Variants in KAT6B observed in about 807,000 individuals in gnomAD.
KAT6B encodes the protein lysine acetyltransferase 6B, also known as histone acetyltransferase KAT6B.
KAT6B carries 10 observed loss-of-function variants against 187.5 expected under a neutral mutation model. The ratio of observed to expected loss-of-function variants is 0.05; its 90% confidence interval spans 0.03 to 0.09. KAT6B has a LOEUF of 0.09. Among genes scored for constraint, KAT6B ranks in the 10% least tolerant of loss-of-function variants. The pLI is 1.00. For missense variants in KAT6B, 1,952 were observed against 2,558.9 expected (o/e 0.76, Z 5.12); for synonymous variants, 861 against 926.8 (o/e 0.93, Z 1.29).
At chr10:74,996,462 C>G (rs934251999) in intron 13 of KAT6B, among the ~76,000 whole-genome samples, 1 of 152,170 alleles carries the variant, frequency 6.6e-6, no homozygotes, top group African/African-American at 2.4e-5. Context: ...AACAGACACA[C>G]AGAAACACTT....
intron 14 of KAT6B, 97 bp from the exon 15 acceptor site, chr10:75,021,029 A>T (rs1300193931): frequency 2.4e-6 from 3 of 1,245,936 alleles, no homozygotes; most frequent in Admixed American, 3.4e-5. Context: ...GATTTTTCCT[A>T]ACGCAGATAA....
intron 1 of KAT6B, among the ~76,000 whole-genome samples, chr10:74,835,068 G>C (rs1841182627): frequency 6.6e-6 from 1 of 152,146 alleles, no homozygotes. Flanking sequence ...GAATTTTATA[G>C]TCTAGTAGGG....
chr10:74,948,546 G>C (rs940182438), intron 3 of KAT6B, among the ~76,000 whole-genome samples: 1 of 152,188 alleles, frequency 6.6e-6, no homozygotes, highest in Admixed American at 6.6e-5. Flanking sequence ...TGAGCAGTTA[G>C]AGCAGGTTTC....
chr10:74,987,380 C>A (rs1842874300), intron 12 of KAT6B, among the ~76,000 whole-genome samples: 1 of 151,996 alleles, frequency 6.6e-6, no homozygotes, highest in Admixed American at 6.6e-5. Flanking sequence ...TTGCAGTGAG[C>A]TGAGATTGCA....
chr10:74,990,931 T>C (rs1304222978), intron 13 of KAT6B, among the ~76,000 whole-genome samples: 1 of 152,224 alleles, frequency 6.6e-6, no homozygotes, highest in African/African-American at 2.4e-5. Flanking sequence ...TTTTCTCAAA[T>C]AGTCTGAGCA....
intron 3 of KAT6B, among the ~76,000 whole-genome samples, chr10:74,873,479 A>C (rs1216513753): frequency 6.8e-6 from 1 of 146,198 alleles, no homozygotes; most frequent in Non-Finnish European, 1.5e-5. Context: ...ATAAATAAAT[A>C]AAATAAAACT....
At chr10:74,936,802 T>C (rs1849309430) in intron 3 of KAT6B, among the ~76,000 whole-genome samples, 1 of 152,244 alleles carries the variant, frequency 6.6e-6, no homozygotes, top group Non-Finnish European at 1.5e-5. Flanking sequence ...TCTCGATTTT[T>C]ATTTTGTTTA....
chr10:74,966,317 TA>T (rs2133602195), intron 4 of KAT6B, among the ~76,000 whole-genome samples: 1 of 152,354 alleles, frequency 6.6e-6, no homozygotes, highest in South Asian at 2.1e-4. Flanking sequence ...TAATCCAGGA[TA>T]AACTCCCCAT....
chr10:74,896,086 C>T (rs1564548781), intron 3 of KAT6B, among the ~76,000 whole-genome samples: 1 of 152,036 alleles, frequency 6.6e-6, no homozygotes, highest in East Asian at 1.9e-4. Context: ...GTCAGCCAGT[C>T]AGCTGCTTTT....
intron 3 of KAT6B, among the ~76,000 whole-genome samples, chr10:74,882,936 A>G (rs931766624): frequency 6.6e-6 from 1 of 152,186 alleles, no homozygotes; most frequent in African/African-American, 2.4e-5. Context: ...TCATGACCAT[A>G]TGGCTTTCTT....
intron 3 of KAT6B, among the ~76,000 whole-genome samples, chr10:74,862,427 C>T (rs1407068166): frequency 6.6e-6 from 1 of 152,170 alleles, no homozygotes; most frequent in Non-Finnish European, 1.5e-5. Context: ...ATTAGAATTA[C>T]TGGAGGAGCT....
At position 74,842,931 on chromosome 10, in the gene KAT6B, A is replaced by G; in HGVS notation, c.74A>G (p.Gln25Arg). 3 of 1,614,232 alleles carry G rather than the reference A, an allele frequency of 1.9e-6. No individual in the cohort carries two copies. Among genetic ancestry groups the G allele is most frequent in the Non-Finnish European group, 2.5e-6 (3 of 1,180,036 alleles). ...ATACAGAAAATAAAAAAGCAAAAGC[A>G]AAGGCCCTCTGAAGAGAGAATCTGC... ...EAIQKIKKQK[Q>R]RPSEERICHA... Residue 25 changes from glutamine to arginine, a missense_variant, in exon 3 of 18, where the codon CAA becomes CGA. Around this residue, in one of 9 missense-constraint regions of KAT6B, gnomAD observed 218 missense variants for 282.6 expected, o/e 0.77. Transcript: ENST00000287239.
intron 3 of KAT6B, among the ~76,000 whole-genome samples, chr10:74,942,711 G>A (rs1849764117): frequency 7.3e-6 from 1 of 136,526 alleles, no homozygotes; most frequent in Admixed American, 8.1e-5. Context: ...GTTGCAGTGA[G>A]CCGAGATCGT....
intron 13 of KAT6B, among the ~76,000 whole-genome samples, chr10:75,019,668 A>ATATATTAGCTTATATAT (rs1845235593): frequency 2.0e-5 from 3 of 152,112 alleles, no homozygotes; most frequent in Admixed American, 2.0e-4. Flanking sequence ...TCATTAGCTT[A>ATATATTAGCTTATATAT]TAGCATTTCT....
chr10:74,841,608 T>G (rs1299980450), intron 2 of KAT6B, among the ~76,000 whole-genome samples: 1 of 152,138 alleles, frequency 6.6e-6, no homozygotes, highest in Non-Finnish European at 1.5e-5. Context: ...GTTCGACCCT[T>G]TAATCTGTTA....
intron 3 of KAT6B, among the ~76,000 whole-genome samples, chr10:74,912,406 TAGATAGAA>T (rs1348846688): frequency 7.9e-5 from 12 of 151,824 alleles, no homozygotes; most frequent in African/African-American, 2.7e-4. Context: ...GATAGATAGA[TAGATAGAA>T]AGATAGATGA....
At chr10:74,830,034 A>C (rs551350162) in intron 1 of KAT6B, among the ~76,000 whole-genome samples, 193 of 151,912 alleles carry the variant, frequency 1.3e-3, no homozygotes, top group African/African-American at 4.3e-3. Flanking sequence ...AAAAAACAAA[A>C]AAAAAAGAAA....
chr10:74,862,542 A>G (rs1009055554), intron 3 of KAT6B, among the ~76,000 whole-genome samples: 1 of 152,112 alleles, frequency 6.6e-6, no homozygotes, highest in African/African-American at 2.4e-5. Flanking sequence ...TGATGCCAGC[A>G]TGCATCACAT....
intron 10 of KAT6B, among the ~76,000 whole-genome samples, chr10:74,981,523 G>A (rs1476571907): frequency 1.3e-5 from 2 of 152,104 alleles, no homozygotes. Flanking sequence ...ACAGGCATGT[G>A]CCACCACGCC....
Sources: gnomAD v4.1 joint callset for allele counts (sites outside exome capture counted in the v4.1 genomes callset) on GRCh38, gnomAD v4.1.1 for gene constraint, gnomAD v4.1.1 regional missense constraint, MANE v1.5 for transcripts, NCBI Gene and HGNC (gene_info 2026-07-23, HGNC 2026-07-21) for gene names.